The following ARID5B variants were observed in gnomAD, a reference collection of about 807,000 sequenced individuals.
The protein encoded by ARID5B is AT-rich interactive domain-containing protein 5B.
ARID5B carries 13 observed loss-of-function variants against 97.2 expected under a neutral mutation model. That is an observed-to-expected ratio of 0.13 (90% confidence interval 0.09 to 0.21). ARID5B has a LOEUF of 0.21. Among genes scored for constraint, ARID5B ranks in the 10% least tolerant of loss-of-function variants. The pLI is 1.00. For missense variants in ARID5B, 1,210 were observed against 1,465.3 expected, an observed-to-expected ratio of 0.83 and a Z score of 2.84; for synonymous variants, 556 against 570.3, an observed-to-expected ratio of 0.97 and a Z score of 0.36.
chr10:61,995,525 C>T (rs1420809531), intron 3 of ARID5B, among the ~76,000 whole-genome samples: 1 of 152,070 alleles, frequency 6.6e-6, no homozygotes, highest in Non-Finnish European at 1.5e-5. Context: ...AATGCAAAGG[C>T]TTAGGAGGCA....
intron 5 of ARID5B, among the ~76,000 whole-genome samples, chr10:62,054,792 G>C (rs1449210289): frequency 6.6e-6 from 1 of 152,160 alleles, no homozygotes; most frequent in Non-Finnish European, 1.5e-5. Flanking sequence ...AAACCTGAGA[G>C]ATCTACTCCT....
chr10:62,051,039 C>T (rs764544496), intron 5 of ARID5B, 39 bp downstream of exon 5: 4 of 1,552,536 alleles, frequency 2.6e-6, no homozygotes, highest in East Asian at 4.5e-5. Flanking sequence ...TTCGTTGCAT[C>T]TTTTTATTTT....
In ARID5B at chr10:62,091,487, C is replaced by T. The variant is rs141236035; in HGVS notation, c.2024C>T (p.Thr675Met). ...AACGAGAACCATGGACTTAATTACA[C>T]GCCCCTGCTCTACTCTAGGGGCAAC... The part of the protein sequence containing the change: ...PMNENHGLNY[T>M]PLLYSRGNPG... The change falls in exon 10 of 10, where the codon ACG (threonine) becomes ATG (methionine). Residue 675 changes from threonine to methionine, a missense_variant. Thr to Met is a moderately conservative substitution (Grantham distance 81). Coordinates refer to ENST00000279873, the MANE Select transcript of ARID5B (RefSeq NM_032199.3). 51 of 1,612,626 alleles carry T rather than the reference C, an allele frequency of 3.2e-5. No individual in the cohort carries two copies. The highest frequency in any genetic ancestry group is 8.0e-5 in the African/African-American group (6 of 74,988).
chr10:62,077,508 G>A (rs1275835211), intron 8 of ARID5B, among the ~76,000 whole-genome samples: 6 of 146,510 alleles, frequency 4.1e-5, no homozygotes, highest in Admixed American at 2.1e-4. Flanking sequence ...AAACTACAGC[G>A]AGTTCTTTGT....
rs373467054 is a variant in ARID5B at position 62,096,066 on chromosome 10, C to T, written c.*3036C>T. On this transcript the variant is annotated 3_prime_UTR_variant, in exon 10 of 10. Transcript: ENST00000279873. ...AAATAAAAACAGCCCAACCGAGTTT[C>T]GGAATTAAGTATTCTTCTAGTAAGT... The T allele has an allele frequency of 1.7e-5, 4 of 233,226 alleles. No individual in the cohort carries two copies. The East Asian group carries it at 2.4e-4, about 14-fold the overall frequency. 14.4% of individuals were successfully genotyped at this position (233,226 alleles called of 1,614,324 possible).
intron 4 of ARID5B, among the ~76,000 whole-genome samples, chr10:62,017,434 A>G (rs2132886864): frequency 6.6e-6 from 1 of 152,034 alleles, no homozygotes; most frequent in South Asian, 2.1e-4. Flanking sequence ...CCTGGGCAAC[A>G]GAGCGAGACC....
At chr10:62,077,529 CCA>C (rs1491569608) in intron 8 of ARID5B, among the ~76,000 whole-genome samples, 1 of 133,090 alleles carries the variant, frequency 7.5e-6, no homozygotes, top group Admixed American at 7.4e-5. Context: ...TTGACCCCCC[CCA>C]AAAAAAAAGC....
At chr10:61,938,561 A>G (rs190233035) in intron 2 of ARID5B, among the ~76,000 whole-genome samples, 11 of 152,236 alleles carry the variant, frequency 7.2e-5, no homozygotes, top group Admixed American at 5.2e-4. Flanking sequence ...ACAACTACAG[A>G]TCTTTTATTT....
chr10:61,908,175 A>T (rs1843736266), intron 2 of ARID5B, among the ~76,000 whole-genome samples: 1 of 152,230 alleles, frequency 6.6e-6, no homozygotes. Context: ...ACTTTAGCCA[A>T]TATTAGTATT....
Position 62,095,670 on chromosome 10 carries a change from A to G in ARID5B, c.*2640A>G, listed in dbSNP as rs755627404. 9 of 233,016 alleles carry G rather than the reference A, an allele frequency of 3.9e-5. No homozygotes were observed. Among genetic ancestry groups the G allele is most frequent in the Non-Finnish European group, 6.8e-5 (8 of 117,696 alleles). The allele number at this position is 233,016 out of a possible 1,614,324, so 14.4% of individuals were successfully genotyped here. A position where few individuals can be genotyped will look rare whatever the true frequency, so the allele number is the denominator to read the frequency against. ...GTGTGTTATTTGTTTTAAAACTCTG[A>G]ACAGAGATCTTGGAAATCTTTCAAA... On this transcript the variant is annotated 3_prime_UTR_variant, in exon 10 of 10. Coordinates refer to ENST00000279873, the MANE Select transcript of ARID5B (RefSeq NM_032199.3).
chr10:61,910,020 G>T (rs144259894), intron 2 of ARID5B, among the ~76,000 whole-genome samples: 3 of 152,284 alleles, frequency 2.0e-5, no homozygotes, highest in South Asian at 4.1e-4. Flanking sequence ...TTCACTCCTC[G>T]CCTGGTGTTG....
Position 62,094,584 on chromosome 10 carries a change from A to G in ARID5B, c.*1554A>G. On this transcript the variant is annotated 3_prime_UTR_variant, in exon 10 of 10. Transcript: ENST00000279873. ...AAGTAAATGGTCAAGCTGCTCAGGC[A>G]GTGAAAAGATGTGGAGAATGTCCGT... 4.3e-6 allele frequency: 1 copy of G among 231,500 alleles called. No individual in the cohort carries two copies. Among genetic ancestry groups the G allele is most frequent in the Non-Finnish European group, 8.6e-6 (1 of 116,910 alleles). The allele number at this position is 231,500 out of a possible 1,614,324, so 14.3% of individuals were successfully genotyped here. A position where few individuals can be genotyped will look rare whatever the true frequency, so the allele number is the denominator to read the frequency against.
chr10:62,046,317 A>G (rs145965913), intron 4 of ARID5B, among the ~76,000 whole-genome samples: 236 of 152,290 alleles, frequency 1.5e-3, no homozygotes, highest in African/African-American at 4.2e-3. Context: ...TATTATTATT[A>G]TTGCAAGAGT....
Position 61,985,897 on chromosome 10 carries a change from A to T in ARID5B, c.503-14194A>T, listed in dbSNP as rs146061274. ...GCGAGGTGTGTTCTGTGCAATGGTC[A>T]TCTGTTTTTGAGATTATCTTCCAAA... On this transcript the variant is annotated intron_variant, in intron 3 of 9. Transcript: ENST00000279873. Among the ~76,000 whole-genome samples the T allele has an allele frequency of 3.2e-3, 480 of 152,216 alleles. 2 individuals are homozygous for T. Among genetic ancestry groups the T allele is most frequent in the African/African-American group, 0.011 (447 of 41,528 alleles).
At chr10:61,991,601 A>G (rs1380019150) in intron 3 of ARID5B, among the ~76,000 whole-genome samples, 1 of 152,134 alleles carries the variant, frequency 6.6e-6, no homozygotes, top group African/African-American at 2.4e-5. Flanking sequence ...CTTTGCAAAT[A>G]TTTTCCCCCT....
chr10:62,042,534 C>A (rs1162382208), intron 4 of ARID5B, among the ~76,000 whole-genome samples: 1 of 152,168 alleles, frequency 6.6e-6, no homozygotes, highest in Non-Finnish European at 1.5e-5. Flanking sequence ...GCAGTATCAG[C>A]TCCTAGATAG....
At chr10:61,982,292 C>A (rs1444617863) in intron 3 of ARID5B, among the ~76,000 whole-genome samples, 1 of 152,108 alleles carries the variant, frequency 6.6e-6, no homozygotes, top group African/African-American at 2.4e-5. Flanking sequence ...AAGTCAGACA[C>A]CCCAGAACCG....
intron 3 of ARID5B, among the ~76,000 whole-genome samples, chr10:61,959,879 C>T (rs574982512): frequency 1.7e-4 from 26 of 152,180 alleles, no homozygotes; most frequent in Non-Finnish European, 2.8e-4. Context: ...TCCAAAGAAC[C>T]CTATGGACTG....
intron 2 of ARID5B, among the ~76,000 whole-genome samples, chr10:61,934,547 T>C (rs1055734557): frequency 1.3e-5 from 2 of 152,148 alleles, no homozygotes; most frequent in African/African-American, 4.8e-5. Flanking sequence ...GGTTATTAAT[T>C]AGCCCATTAT....
Sources: gnomAD v4.1 joint callset for allele counts (sites outside exome capture counted in the v4.1 genomes callset) on GRCh38, gnomAD v4.1.1 for gene constraint, MANE v1.5 for transcripts, NCBI Gene and HGNC (gene_info 2026-07-23, HGNC 2026-07-21) for gene names.